Variants in SLC24A2 observed in about 807,000 individuals in gnomAD.
SLC24A2 encodes the protein solute carrier family 24 member 2, also known as sodium/potassium/calcium exchanger 2.
SLC24A2 carries 36 observed loss-of-function variants against 62.0 expected under a neutral mutation model. The observed-to-expected ratio is 0.58, with a 90% CI of 0.44 to 0.77. The LOEUF (loss-of-function observed/expected upper bound fraction) is 0.77. SLC24A2 is among the 30% of genes least tolerant of loss of function. SLC24A2 has a pLI of 0.00. For missense variants in SLC24A2, 846 were observed against 817.9 expected, an observed-to-expected ratio of 1.03 and a Z score of -0.42; for synonymous variants, 358 against 294.0, an observed-to-expected ratio of 1.22 and a Z score of -2.23.
intron 2 of SLC24A2, among the ~76,000 whole-genome samples, chr9:19,745,482 T>A (rs1226182761): frequency 6.6e-6 from 1 of 152,136 alleles, no homozygotes; most frequent in African/African-American, 2.4e-5. Context: ...AACTGCAGAA[T>A]TTCATGCCTC....
chr9:19,765,588 T>G (rs1481756450), intron 2 of SLC24A2, among the ~76,000 whole-genome samples: 1 of 152,250 alleles, frequency 6.6e-6, no homozygotes, highest in African/African-American at 2.4e-5. Flanking sequence ...AATTCTGGGT[T>G]GATAATTCTT....
At chr9:19,656,373 C>T (rs926536429) in intron 2 of SLC24A2, among the ~76,000 whole-genome samples, 1 of 152,204 alleles carries the variant, frequency 6.6e-6, no homozygotes, top group Admixed American at 6.5e-5. Context: ...GCCACTACAA[C>T]CTATGTGACT....
the SLC24A2 span, among the ~76,000 whole-genome samples, chr9:20,095,186 T>C: frequency 7.2e-5 from 11 of 152,366 alleles, 1 homozygote; most frequent in Middle Eastern, 6.8e-3. Context: ...ATCCTATCTA[T>C]GTTAACATGT....
chr9:20,057,343 T>C, the SLC24A2 span, among the ~76,000 whole-genome samples: 13 of 152,358 alleles, frequency 8.5e-5, no homozygotes, highest in African/African-American at 3.1e-4. Flanking sequence ...GTTTTACTGA[T>C]GTAAACTACG....
the SLC24A2 span, among the ~76,000 whole-genome samples, chr9:20,110,837 A>G: frequency 6.6e-5 from 10 of 152,346 alleles, no homozygotes; most frequent in East Asian, 3.9e-4. Flanking sequence ...ACACAATACT[A>G]TATTTCACCA....
the SLC24A2 span, among the ~76,000 whole-genome samples, chr9:20,111,655 T>C: frequency 3.9e-5 from 6 of 152,122 alleles, no homozygotes; most frequent in Non-Finnish European, 7.3e-5. Flanking sequence ...TGAGACAGAA[T>C]CTGCATCTTA....
chr9:19,509,704 CTT>C lies in SLC24A2; in HGVS notation c.*6447_*6448del, dbSNP rs953437924. ...AAATAATTTTATTCAGGATTTCAGACTTTTTTTACTTTTCTGTTTTTTATGAC... is the reference window on the plus strand; with the variant it reads ...AAATAATTTTATTCAGGATTTCAGACTTTTTACTTTTCTGTTTTTTATGAC... On this transcript the variant is annotated 3_prime_UTR_variant, in exon 11 of 11. Transcript: ENST00000341998. 1 of 152,034 alleles carries C rather than the reference CTT, an allele frequency of 6.6e-6. No individual in the cohort carries two copies. Among genetic ancestry groups the C allele is most frequent in the Non-Finnish European group, 1.5e-5 (1 of 67,992 alleles). 9.4% of individuals were successfully genotyped at this position (152,034 alleles called of 1,614,324 possible). A position where few individuals can be genotyped will look rare whatever the true frequency, so the allele number is the denominator to read the frequency against.
the SLC24A2 span, among the ~76,000 whole-genome samples, chr9:19,874,083 T>C: frequency 6.4e-4 from 91 of 142,054 alleles, no homozygotes; most frequent in African/African-American, 1.3e-3. Flanking sequence ...TTCTTTTTTT[T>C]TTTTTTTTTT....
the SLC24A2 span, among the ~76,000 whole-genome samples, chr9:19,932,071 G>A: frequency 6.6e-6 from 1 of 151,948 alleles, no homozygotes; most frequent in Non-Finnish European, 1.5e-5. Flanking sequence ...ACCACAATAC[G>A]GTCCCATTAA....
the SLC24A2 span, among the ~76,000 whole-genome samples, chr9:20,273,437 T>C: frequency 6.6e-6 from 1 of 152,174 alleles, no homozygotes; most frequent in Non-Finnish European, 1.5e-5. Flanking sequence ...ATCTTGTAGC[T>C]CCCATTATTC....
chr9:20,027,142 A>G, the SLC24A2 span, among the ~76,000 whole-genome samples: 803 of 152,256 alleles, frequency 5.3e-3, 5 homozygotes, highest in African/African-American at 0.018. Context: ...AGTTACAATG[A>G]CTATTATCAA....
At chr9:20,123,914 A>T in the SLC24A2 span, among the ~76,000 whole-genome samples, 33 of 152,136 alleles carry the variant, frequency 2.2e-4, no homozygotes, top group African/African-American at 6.0e-4. Flanking sequence ...AATGCAAAGT[A>T]TAGTGCTCAC....
the SLC24A2 span, among the ~76,000 whole-genome samples, chr9:20,145,967 A>G: frequency 6.6e-6 from 1 of 151,878 alleles, no homozygotes; most frequent in South Asian, 2.1e-4. Context: ...ATATTTTTCT[A>G]TGCAGTCTTG....
intron 7 of SLC24A2, among the ~76,000 whole-genome samples, chr9:19,557,082 G>A (rs1427719498): frequency 6.6e-6 from 1 of 152,112 alleles, no homozygotes; most frequent in Non-Finnish European, 1.5e-5. Context: ...GGAGTGACCT[G>A]CTGAACAAAA....
chr9:20,018,356 C>T, the SLC24A2 span, among the ~76,000 whole-genome samples: 804 of 152,264 alleles, frequency 5.3e-3, 7 homozygotes, highest in African/African-American at 0.018. Context: ...CTCTATCTGT[C>T]TATCAAGAGT....
intron 5 of SLC24A2, among the ~76,000 whole-genome samples, chr9:19,579,918 G>C (rs1392892315): frequency 5.9e-5 from 9 of 152,214 alleles, no homozygotes; most frequent in Admixed American, 5.9e-4. Context: ...GCACTCATGG[G>C]CTGGTTTTCC....
intron 7 of SLC24A2, among the ~76,000 whole-genome samples, chr9:19,565,911 T>C (rs547105771): frequency 2.0e-5 from 3 of 150,264 alleles, no homozygotes; most frequent in East Asian, 1.9e-4. Context: ...TGGCTCGCTA[T>C]ATATAGAAAG....
chr9:19,664,083 G>T (rs4258076), intron 2 of SLC24A2, among the ~76,000 whole-genome samples: 47,869 of 152,076 alleles, frequency 0.31, 7,883 homozygotes, highest in African/African-American at 0.36. Flanking sequence ...CAGTTTCTCT[G>T]CCAGCTTAGT....
At chr9:20,237,460 G>A in the SLC24A2 span, among the ~76,000 whole-genome samples, 6 of 152,124 alleles carry the variant, frequency 3.9e-5, no homozygotes, top group Non-Finnish European at 5.9e-5. Context: ...CTGCATCAAA[G>A]TAAACCACCT....
Sources: allele counts gnomAD v4.1 joint callset (sites outside exome capture counted in the v4.1 genomes callset), GRCh38; gene constraint gnomAD v4.1.1; transcripts MANE v1.5; gene names NCBI Gene and HGNC (gene_info 2026-07-23, HGNC 2026-07-21).